Variants in DDX19B observed in about 807,000 individuals in gnomAD.
DDX19B encodes the protein DEAD-box helicase 19B, also known as ATP-dependent RNA helicase DDX19B.
Under a neutral mutation model 58.1 loss-of-function variants are expected in DDX19B, and 27 were observed. That is an observed-to-expected ratio of 0.46 (90% CI 0.34 to 0.64). The LOEUF is 0.64. DDX19B is among the 30% of genes least tolerant of loss of function. The pLI is 0.01. For synonymous variants in DDX19B, 187 were observed against 214.4 expected, an observed-to-expected ratio of 0.87 and a Z score of 1.12; for missense variants, 399 against 596.5, an observed-to-expected ratio of 0.67 and a Z score of 3.45.
At position 70,333,108 on chromosome 16, in the gene DDX19B, G is replaced by A. The variant is rs1209237724; in HGVS notation, c.1327G>A (p.Val443Met). The stretch of plus-strand genomic sequence containing the variant: ...CAAGAGGGGCCTGGCAGTGAACATG[G>A]TGGACAGCAAGCACAGCATGAACAT... ...FGKRGLAVNM[V>M]DSKHSMNILN... The change falls in exon 11 of 12, where the codon GTG (valine) becomes ATG (methionine). Residue 443 changes from valine to methionine, a missense_variant. By Grantham distance (21) the Val-to-Met change is conservative (BLOSUM62 1). Around this residue, in one of 4 missense-constraint regions of DDX19B, gnomAD observed 198 missense variants for 345.9 expected, o/e 0.57. Coordinates refer to ENST00000288071, the MANE Select transcript of DDX19B (RefSeq NM_007242.7). 2.6e-6 allele frequency: 4 copies of A among 1,566,392 alleles called. No homozygotes were observed.
chr16:70,291,192 C>G (rs1180214000), upstream of DDX19B, among the ~76,000 whole-genome samples: 1 of 152,158 alleles, frequency 6.6e-6, no homozygotes, highest in Non-Finnish European at 1.5e-5. Context: ...ACAACCTTAT[C>G]ATGAGTTACT....
upstream of DDX19B, among the ~76,000 whole-genome samples, chr16:70,291,108 A>G (rs142535623): frequency 1.3e-5 from 2 of 152,318 alleles, no homozygotes; most frequent in African/African-American, 4.8e-5. Context: ...GCTGCTCACA[A>G]ATAGTAATCA....
upstream of DDX19B, among the ~76,000 whole-genome samples, chr16:70,294,568 TGTGTTA>T (rs1961152102): frequency 6.6e-6 from 1 of 152,222 alleles, no homozygotes; most frequent in African/African-American, 2.4e-5. Context: ...GTGACCACTA[TGTGTTA>T]GTCACTGAGG....
At chr16:70,297,248 C>G (rs186575907), upstream of DDX19B, among the ~76,000 whole-genome samples, 1 of 147,690 alleles carries the variant, frequency 6.8e-6, no homozygotes, top group Non-Finnish European at 1.5e-5. Context: ...GAGTTTCACT[C>G]GTCGCCCAGG....
At chr16:70,333,434 A>C in intron 11 of DDX19B, 87 bp from the exon 12 acceptor site, 1 of 1,604,020 alleles carries the variant, frequency 6.2e-7, no homozygotes, top group South Asian at 1.1e-5. Flanking sequence ...AGGCACCCGG[A>C]GCCTTTGGGG....
chr16:70,303,294 T>C (rs1961568663), intron 1 of DDX19B, among the ~76,000 whole-genome samples: 1 of 151,958 alleles, frequency 6.6e-6, no homozygotes, highest in Non-Finnish European at 1.5e-5. Context: ...ACCACAGGCA[T>C]GCGCCACCAC....
chr16:70,331,812 A>G lies in DDX19B; in HGVS notation c.1114A>G (p.Arg372Gly). The part of the protein sequence containing the change: ...LLSGEMMVEQ[R>G]AAVIERFREG... ...GAGTGGGGAGATGATGGTGGAACAG[A>G]GGGCTGCAGTGATTGAGCGCTTCCG... The change falls in exon 10 of 12, where the codon AGG becomes GGG. Residue 372 changes from arginine (R) to glycine (G), a missense_variant. Arg to Gly is a moderately radical substitution (Grantham distance 125, BLOSUM62 -2). This residue lies in a region of DDX19B where 198 missense variants were observed against 345.9 expected (regional missense o/e 0.57). Coordinates refer to ENST00000288071, the MANE Select transcript of DDX19B (RefSeq NM_007242.7). 6.2e-7 allele frequency: 1 copy of G among 1,614,162 alleles called. No individual in the cohort carries two copies. The highest frequency in any genetic ancestry group is 1.3e-5 in the African/African-American group (1 of 75,046).
chr16:70,302,141 G>C (rs367729645), intron 1 of DDX19B, among the ~76,000 whole-genome samples: 3 of 152,048 alleles, frequency 2.0e-5, no homozygotes, highest in South Asian at 4.1e-4. Flanking sequence ...GGCTGGTCTT[G>C]AACTCCTGAC....
At chr16:70,328,054 T>G (rs1029376057) in intron 7 of DDX19B, among the ~76,000 whole-genome samples, 2 of 151,558 alleles carry the variant, frequency 1.3e-5, no homozygotes, top group African/African-American at 4.8e-5. Context: ...CTCAGGAGGC[T>G]GAGGCAGGAG....
In DDX19B at chr16:70,321,679, T is replaced by C. The variant is rs149837596; in HGVS notation, c.390-2906T>C. Among the ~76,000 whole-genome samples, 1,111 of 152,314 alleles carry C rather than the reference T, an allele frequency of 7.3e-3. 14 individuals are homozygous for C. Among genetic ancestry groups the C allele is most frequent in the African/African-American group, 0.025 (1,039 of 41,566 alleles). On this transcript the variant is annotated intron_variant, in intron 5 of 11. Coordinates refer to ENST00000288071, the MANE Select transcript of DDX19B (RefSeq NM_007242.7). ...AATTACAAACATTAATGCCACTGAA[T>C]AGTACACTTAAAAGTGGGTAAAAGG...
intron 1 of DDX19B, among the ~76,000 whole-genome samples, chr16:70,303,632 C>T (rs1597465170): frequency 6.6e-6 from 1 of 152,320 alleles, no homozygotes; most frequent in African/African-American, 2.4e-5. Context: ...TCTCGGCTCA[C>T]TGCAAGCTCC....
intron 1 of DDX19B, among the ~76,000 whole-genome samples, chr16:70,303,315 T>G (rs1293892570): frequency 6.6e-6 from 1 of 152,156 alleles, no homozygotes; most frequent in Admixed American, 6.5e-5. Context: ...ATCTGGCTAA[T>G]GTATGTATTT....
intron 5 of DDX19B, among the ~76,000 whole-genome samples, chr16:70,320,112 CT>C (rs1202238794): frequency 9.5e-5 from 14 of 147,280 alleles, no homozygotes; most frequent in South Asian, 6.4e-4. Context: ...TAGATGCTAA[CT>C]TTTTTTTTTT....
chr16:70,296,122 GC>G (rs768004116), upstream of DDX19B, among the ~76,000 whole-genome samples: 1 of 151,144 alleles, frequency 6.6e-6, no homozygotes, highest in Non-Finnish European at 1.5e-5. Flanking sequence ...CTCTGCCTCA[GC>G]CTCCCAAGTA....
intron 9 of DDX19B, among the ~76,000 whole-genome samples, chr16:70,331,291 T>C (rs1963466148): frequency 6.6e-6 from 1 of 152,038 alleles, no homozygotes; most frequent in Non-Finnish European, 1.5e-5. Context: ...CAAGCAATCT[T>C]CCAGCCTCAG....
intron 7 of DDX19B, among the ~76,000 whole-genome samples, chr16:70,329,059 CAAA>C (rs58066345): frequency 1.6e-5 from 2 of 128,128 alleles, no homozygotes; most frequent in African/African-American, 2.8e-5. Flanking sequence ...ACTAAAAATA[CAAA>C]AAAAAAAAAA....
chr16:70,335,241 G>A lies in DDX19B; in HGVS notation c.*1659G>A, dbSNP rs1963658791. 2 of 152,076 alleles carry A rather than the reference G, an allele frequency of 1.3e-5. No individual in the cohort carries two copies. Among genetic ancestry groups the A allele is most frequent in the African/African-American group, 4.8e-5 (2 of 41,402 alleles). The allele number at this position is 152,076 out of a possible 1,614,324, so 9.4% of individuals were successfully genotyped here. A position where few individuals can be genotyped will look rare whatever the true frequency, so the allele number is the denominator to read the frequency against. On this transcript the variant is annotated 3_prime_UTR_variant, in exon 12 of 12. Transcript: ENST00000288071. ...TTTTTCTCCTTCCCTGAGTCCTGTG[G>A]ACCAACCCTGAAATACTAAAAACAA...
chr16:70,308,664 G>A (rs1201824178), intron 1 of DDX19B, among the ~76,000 whole-genome samples: 3 of 151,928 alleles, frequency 2.0e-5, no homozygotes, highest in East Asian at 3.9e-4. Context: ...AAGCCACCAT[G>A]CCCTGTCAAT....
At chr16:70,329,803 G>A (rs376956522) in intron 8 of DDX19B, 28 bp from the exon 9 acceptor site, 10 of 1,613,454 alleles carry the variant, frequency 6.2e-6, no homozygotes, top group Non-Finnish European at 7.6e-6. Context: ...GGCCACCTGG[G>A]GCCACCTACC....
Sources: allele counts gnomAD v4.1 joint callset (sites outside exome capture counted in the v4.1 genomes callset), GRCh38; gene constraint gnomAD v4.1.1; regional missense constraint gnomAD v4.1.1; transcripts MANE v1.5; gene names NCBI Gene and HGNC (gene_info 2026-07-23, HGNC 2026-07-21).